PTGES3L: variants seen among roughly 807,000 people sequenced by gnomAD.
The protein encoded by PTGES3L is putative protein PTGES3L.
PTGES3L carries 17 observed loss-of-function variants against 25.0 expected under a neutral mutation model. That is an observed-to-expected ratio of 0.68 (90% CI 0.47 to 1.02). The LOEUF (loss-of-function observed/expected upper bound fraction) is 1.02. PTGES3L is among the 50% of genes least tolerant of loss of function. PTGES3L has a pLI of 0.00. For missense variants in PTGES3L, 202 were observed against 197.5 expected, an observed-to-expected ratio of 1.02 and a Z score of -0.14; for synonymous variants, 59 against 65.7, an observed-to-expected ratio of 0.90 and a Z score of 0.50.
At chr17:42,973,134 C>A (rs2049880919) in intron 4 of PTGES3L, among the ~76,000 whole-genome samples, 1 of 146,562 alleles carries the variant, frequency 6.8e-6, no homozygotes, top group Non-Finnish European at 1.5e-5. Context: ...GGCAGCCACC[C>A]CATCTGGGAA....
chr17:42,972,746 C>G (rs1353989325), intron 4 of PTGES3L, among the ~76,000 whole-genome samples: 1 of 151,834 alleles, frequency 6.6e-6, no homozygotes, highest in African/African-American at 2.4e-5. Flanking sequence ...GCCGCCACCC[C>G]GTCTGGGAAG....
Position 42,971,703 on chromosome 17 carries a change from G to C in PTGES3L, c.289-7C>G. On this transcript the variant is annotated splice_region_variant and splice_polypyrimidine_tract_variant and intron_variant, in intron 4 of 6. Coordinates refer to ENST00000591916, the MANE Select transcript of PTGES3L (RefSeq NM_001261430.2). ...CCACAGACAGCCACACTGGCTGCAA[G>C]AAGAGGCACCAAGAGTCACAGGCCA... is the stretch of plus-strand genomic sequence containing the variant. 1.2e-6 allele frequency: 2 copies of C among 1,613,952 alleles called. No individual in the cohort carries two copies. The highest frequency in any genetic ancestry group is 1.7e-5 in the Admixed American group (1 of 60,020).
In PTGES3L at chr17:42,975,135, C is replaced by CAAA. The variant is rs11398866; in HGVS notation, c.289-3442_289-3440dup. 5.2e-4 allele frequency among the ~76,000 whole-genome samples: 50 copies of CAAA among 96,672 alleles called. 1 individual carries two copies. The highest frequency in any genetic ancestry group is 8.9e-4 in the East Asian group (3 of 3,360). The allele number at this position is 96,672 out of a possible 152,430, so 63.4% of individuals were successfully genotyped here. A position where few individuals can be genotyped will look rare whatever the true frequency, so the allele number is the denominator to read the frequency against. On this transcript the variant is annotated intron_variant, in intron 4 of 6. Transcript: ENST00000591916. The stretch of plus-strand genomic sequence containing the variant: ...TGAGTAACAGTACGACATCCTGTCT[C>CAAA]AAAAAAAAAAAAAAAAAAAAAGGTC...
intron 4 of PTGES3L, among the ~76,000 whole-genome samples, chr17:42,975,334 G>C (rs1156639527): frequency 6.6e-6 from 1 of 152,078 alleles, no homozygotes; most frequent in African/African-American, 2.4e-5. Context: ...GGATGCACAG[G>C]GATTGGGTGG....
At position 42,971,596 on chromosome 17, in the gene PTGES3L, T is replaced by A. The variant is rs1369233169; in HGVS notation, c.378+11A>T. Reference sequence around the variant, plus strand: ...TCAAGTGGGCAGAACACAGTAGGTGTTGTCTCTCACCTCTGCATAATGTTC... The same window carrying A: ...TCAAGTGGGCAGAACACAGTAGGTGATGTCTCTCACCTCTGCATAATGTTC... On this transcript the variant is annotated intron_variant, in intron 5 of 6. Transcript: ENST00000591916. 7.4e-6 allele frequency: 12 copies of A among 1,613,246 alleles called. No homozygotes were observed. The highest frequency in any genetic ancestry group is 1.3e-5 in the African/African-American group (1 of 74,892).
rs1271075313 is a variant in PTGES3L at position 42,972,470 on chromosome 17, T to C, written c.289-774A>G. On this transcript the variant is annotated intron_variant, in intron 4 of 6. Coordinates refer to ENST00000591916, the MANE Select transcript of PTGES3L (RefSeq NM_001261430.2). ...GCCTCAGCCTGCCGAGTGCCTGCGATTGCAGGCACGCACCGCCACGCCTGA... is the reference window on the plus strand; with the variant it reads ...GCCTCAGCCTGCCGAGTGCCTGCGACTGCAGGCACGCACCGCCACGCCTGA... Among the ~76,000 whole-genome samples the C allele has an allele frequency of 2.0e-5, 3 of 151,872 alleles. No individual in the cohort carries two copies. The East Asian group carries it at 5.8e-4, about 29-fold the overall frequency.
Position 42,969,188 on chromosome 17 carries a change from TGGGGGC to T in PTGES3L, c.433-8_433-3del. ...ATCATCAGCACTGTCAGAATCATCC[TGGGGGC>T]GGGGGGGAAAAAAGACAAAGCACCT... On this transcript the variant is annotated splice_polypyrimidine_tract_variant and splice_region_variant and intron_variant, in intron 6 of 6. Transcript: ENST00000591916. 4.9e-6 allele frequency: 5 copies of T among 1,011,720 alleles called. No individual in the cohort carries two copies. The highest frequency in any genetic ancestry group is 6.8e-6 in the Non-Finnish European group (5 of 737,326). The allele number at this position is 1,011,720 out of a possible 1,614,324, so 62.7% of individuals were successfully genotyped here.
chr17:42,977,105 A>G (rs1226748261), intron 4 of PTGES3L, among the ~76,000 whole-genome samples: 1 of 152,084 alleles, frequency 6.6e-6, no homozygotes, highest in African/African-American at 2.4e-5. Context: ...AGCCTAGTCA[A>G]CATGGCAAAA....
At chr17:42,976,720 G>A (rs1367969539) in intron 4 of PTGES3L, among the ~76,000 whole-genome samples, 1 of 152,158 alleles carries the variant, frequency 6.6e-6, no homozygotes, top group Non-Finnish European at 1.5e-5. Context: ...AAACAAATCT[G>A]AGAGCCAGAT....
intron 4 of PTGES3L, among the ~76,000 whole-genome samples, chr17:42,974,863 A>G (rs914568305): frequency 6.6e-6 from 1 of 151,862 alleles, no homozygotes; most frequent in Non-Finnish European, 1.5e-5. Context: ...GGCCGGGCGC[A>G]GTGGCTATCA....
chr17:42,977,672 A>G (rs1459436685), intron 4 of PTGES3L, among the ~76,000 whole-genome samples: 2 of 117,632 alleles, frequency 1.7e-5, no homozygotes, highest in Admixed American at 8.3e-5. Context: ...AGGGAGGGAG[A>G]GAGAGAGAGA....
intron 5 of PTGES3L, among the ~76,000 whole-genome samples, chr17:42,970,676 G>GCGCA (rs1490786473): frequency 7.1e-4 from 103 of 144,188 alleles, no homozygotes; most frequent in Non-Finnish European, 8.4e-4. Context: ...CTTAACACGC[G>GCGCA]CACACACACA....
intron 4 of PTGES3L, among the ~76,000 whole-genome samples, chr17:42,977,633 G>C: frequency 4.6e-4 from 1 of 2,176 alleles, no homozygotes. Flanking sequence ...AGAAGAAAAA[G>C]AAAGAAAGAG....
At chr17:42,975,285 T>C (rs1331945899) in intron 4 of PTGES3L, among the ~76,000 whole-genome samples, 1 of 151,330 alleles carries the variant, frequency 6.6e-6, no homozygotes, top group Non-Finnish European at 1.5e-5. Context: ...CCAAAAGGAG[T>C]CACAAGAACC....
chr17:42,969,246 G>A (rs4793187), intron 6 of PTGES3L, 60 bp from the exon 7 acceptor site: 670,353 of 1,004,588 alleles, frequency 0.67, 228,665 homozygotes, highest in East Asian at 0.85. Flanking sequence ...AGGAACATTT[G>A]TGTTAACAAA....
intron 4 of PTGES3L, among the ~76,000 whole-genome samples, chr17:42,972,534 G>A (rs2049863236): frequency 2.0e-5 from 3 of 152,164 alleles, no homozygotes; most frequent in Admixed American, 2.0e-4. Flanking sequence ...GTGTTGGCTG[G>A]GCCGGTCTCC....
At chr17:42,974,174 A>G (rs1391784742) in intron 4 of PTGES3L, among the ~76,000 whole-genome samples, 2 of 151,994 alleles carry the variant, frequency 1.3e-5, no homozygotes, top group Admixed American at 6.6e-5. Flanking sequence ...CAGCCTGGCC[A>G]ACATGGTAAA....
Position 42,969,201 on chromosome 17 carries a change from G to GA in PTGES3L, c.433-16dup, listed in dbSNP as rs372902883. Reference sequence around the variant, plus strand: ...TCAGAATCATCCTGGGGGCGGGGGGGAAAAAAGACAAAGCACCTGTAGACC... The same window carrying GA: ...TCAGAATCATCCTGGGGGCGGGGGGGAAAAAAAGACAAAGCACCTGTAGACC... On this transcript the variant is annotated splice_polypyrimidine_tract_variant and intron_variant, in intron 6 of 6. Coordinates refer to ENST00000591916, the MANE Select transcript of PTGES3L (RefSeq NM_001261430.2). 2.3e-5 allele frequency: 31 copies of GA among 1,364,828 alleles called. No homozygotes were observed. The African/African-American group carries it at 3.2e-4, about 14-fold the overall frequency. 84.5% of individuals were successfully genotyped at this position (1,364,828 alleles called of 1,614,324 possible).
intron 6 of PTGES3L, 136 bp from the exon 7 acceptor site, chr17:42,969,322 G>A: frequency 4.0e-6 from 2 of 504,412 alleles, no homozygotes; most frequent in South Asian, 8.6e-5. Flanking sequence ...CAACTTAGGG[G>A]GCTAATATGA....
Sources: allele counts gnomAD v4.1 joint callset (sites outside exome capture counted in the v4.1 genomes callset), GRCh38; gene constraint gnomAD v4.1.1; transcripts MANE v1.5; gene names NCBI Gene and HGNC (gene_info 2026-07-23, HGNC 2026-07-21).